VWA1: variants seen among roughly 807,000 people sequenced by gnomAD.
VWA1 encodes von Willebrand factor A domain containing 1, also known as von Willebrand factor A domain-containing protein 1.
In VWA1, 12 loss-of-function variants were observed where a neutral mutation model predicts 14.9. That is an observed-to-expected ratio of 0.80 (90% CI 0.52 to 1.30). The LOEUF is 1.30. Among genes scored for constraint, VWA1 ranks in the 50% most tolerant of loss-of-function variants. The pLI, the probability that VWA1 is intolerant of heterozygous loss-of-function variation, is 0.00. For synonymous variants in VWA1, 368 were observed against 310.7 expected (o/e 1.18, Z -1.94); for missense variants, 800 against 649.1 (o/e 1.23, Z -2.53).
chr1:1,439,575 G>T lies in VWA1; in HGVS notation c.1126G>T (p.Ala376Ser). 7.7e-7 allele frequency: 1 copy of T among 1,304,844 alleles called. No homozygotes were observed. The highest frequency in any genetic ancestry group is 9.7e-7 in the Non-Finnish European group (1 of 1,028,968). 80.8% of individuals were successfully genotyped at this position (1,304,844 alleles called of 1,614,324 possible). ...VQFGPLRGGE[A>S]QRVEVPAGRN... ...GTTCGGGCCGCTGCGGGGCGGGGAGGCGCAGCGGGTGGAGGTGCCCGCGGG... is the reference window on the plus strand; with the variant it reads ...GTTCGGGCCGCTGCGGGGCGGGGAGTCGCAGCGGGTGGAGGTGCCCGCGGG... The change falls in exon 3 of 3, where the codon GCG becomes TCG. Residue 376 changes from alanine to serine, a missense_variant. Ala to Ser is a moderately conservative substitution (Grantham distance 99). Transcript: ENST00000476993.
chr1:1,439,141 C>T lies in VWA1; in HGVS notation c.692C>T (p.Ala231Val), dbSNP rs1638603813. ...ATCACGTCCAGCGGCTTCCGCCTGGCCTGGCCACCCCTGCTGACCGCAGAC... is the reference window on the plus strand; with the variant it reads ...ATCACGTCCAGCGGCTTCCGCCTGGTCTGGCCACCCCTGCTGACCGCAGAC... Reference protein sequence around the residue: ...TEITSSGFRLAWPPLLTADSG... With the variant: ...TEITSSGFRLVWPPLLTADSG... The change falls in exon 3 of 3, where the codon GCC (alanine) becomes GTC (valine). Residue 231 changes from alanine to valine, a missense_variant. Ala to Val is a moderately conservative substitution (Grantham distance 64). Coordinates refer to ENST00000476993, the MANE Select transcript of VWA1 (RefSeq NM_022834.5). 2.5e-6 allele frequency: 4 copies of T among 1,601,882 alleles called. No individual in the cohort carries two copies. In the East Asian group the frequency reaches 8.9e-5, roughly 36 times the overall value.
At chr1:1,435,845 CGGGGCT>C (rs1194633067) in intron 1 of VWA1, 24 bp downstream of exon 1, 3 of 1,057,346 alleles carry the variant, frequency 2.8e-6, no homozygotes, top group South Asian at 3.6e-5. Flanking sequence ...GCGGCCGGGC[CGGGGCT>C]GGGGCTTCTG....
chr1:1,439,227 C>A lies in VWA1; in HGVS notation c.778C>A (p.Gln260Lys). Reference protein sequence around the residue: ...SAQPGAARRQQLPGNATDWIW... With the variant: ...SAQPGAARRQKLPGNATDWIW... ...CCAGCCGGGGGCTGCAAGACGCCAG[C>A]AGCTGCCAGGGAACGCCACGGACTG... is the stretch of plus-strand genomic sequence containing the variant. Residue 260 changes from glutamine to lysine, a missense_variant, in exon 3 of 3, where the codon CAG becomes AAG. Gln to Lys is a moderately conservative substitution (Grantham distance 53). Coordinates refer to ENST00000476993, the MANE Select transcript of VWA1 (RefSeq NM_022834.5). 6.2e-7 allele frequency: 1 copy of A among 1,607,360 alleles called. No homozygotes were observed. Among genetic ancestry groups the A allele is most frequent in the Non-Finnish European group, 8.5e-7 (1 of 1,178,982 alleles).
Position 1,442,667 on chromosome 1 carries a change from A to T in VWA1, c.*2880A>T, listed in dbSNP as rs1045023912. ...GCAGAGGGGGCTGAAATTCGGGCCC[A>T]TGCCTCTGTGAGCGATGACGGAGCA... On this transcript the variant is annotated 3_prime_UTR_variant, in exon 3 of 3. Transcript: ENST00000476993. 2.0e-5 allele frequency: 3 copies of T among 152,302 alleles called. No homozygotes were observed. Among genetic ancestry groups the T allele is most frequent in the African/African-American group, 7.2e-5 (3 of 41,472 alleles). 9.4% of individuals were successfully genotyped at this position (152,302 alleles called of 1,614,324 possible).
chr1:1,436,771 G>T, intron 1 of VWA1, 156 bp from the exon 2 acceptor site: 1 of 705,732 alleles, frequency 1.4e-6, no homozygotes, highest in Non-Finnish European at 2.3e-6. Context: ...AAAAGTACAG[G>T]CCTCTTGCTT....
chr1:1,435,879 C>A (rs1638526535), intron 1 of VWA1, 58 bp downstream of exon 1: 1 of 953,506 alleles, frequency 1.0e-6, no homozygotes, highest in Non-Finnish European at 1.3e-6. Context: ...CTCTGCGCCG[C>A]TGCCCGCGCA....
Position 1,442,608 on chromosome 1 carries a change from C to G in VWA1, c.*2821C>G, listed in dbSNP as rs1638692528. 1 of 152,326 alleles carries G rather than the reference C, an allele frequency of 6.6e-6. No homozygotes were observed. The highest frequency in any genetic ancestry group is 6.5e-5 in the Admixed American group (1 of 15,292). 9.4% of individuals were successfully genotyped at this position (152,326 alleles called of 1,614,324 possible). A position where few individuals can be genotyped will look rare whatever the true frequency, so the allele number is the denominator to read the frequency against. The stretch of plus-strand genomic sequence containing the variant: ...CTGACAGGTTGTGCGAGGCCCTTCG[C>G]TGGACAGCCCATTGCTGGCCACTGG... On this transcript the variant is annotated 3_prime_UTR_variant, in exon 3 of 3. Transcript: ENST00000476993.
Position 1,439,011 on chromosome 1 carries a change from A to G in VWA1, c.632-70A>G, listed in dbSNP as rs904326593. The G allele has an allele frequency of 1.5e-5, 23 of 1,508,870 alleles. No individual in the cohort carries two copies. In the African/African-American group the frequency reaches 2.9e-4, roughly 19 times the overall value. The allele number at this position is 1,508,870 out of a possible 1,614,324, so 93.5% of individuals were successfully genotyped here. A position where few individuals can be genotyped will look rare whatever the true frequency, so the allele number is the denominator to read the frequency against. ...CTCCAATCTCCAGATCTTCCCCATC[A>G]GCCAGGGCCGCCCTCCAGCAGCGGA... On this transcript the variant is annotated intron_variant, in intron 2 of 2. Coordinates refer to ENST00000476993, the MANE Select transcript of VWA1 (RefSeq NM_022834.5).
intron 2 of VWA1, among the ~76,000 whole-genome samples, chr1:1,438,485 C>T (rs1184673329): frequency 2.0e-5 from 3 of 152,180 alleles, no homozygotes; most frequent in Non-Finnish European, 4.4e-5. Context: ...TAGCTTTAAC[C>T]CAGCGCAGAC....
chr1:1,436,959 A>T lies in VWA1; in HGVS notation c.106A>T (p.Met36Leu), dbSNP rs1235913961. The T allele has an allele frequency of 1.4e-5, 22 of 1,611,066 alleles. No individual in the cohort carries two copies. The highest frequency in any genetic ancestry group is 3.3e-5 in the Admixed American group (2 of 59,836). ...AGCATCAGCCCCCCGAGGGGACCTG[A>T]TGTTCCTGCTGGACAGCTCAGCCAG... The part of the protein sequence containing the change: ...PPASAPRGDL[M>L]FLLDSSASVS... Residue 36 changes from methionine (M) to leucine (L), a missense_variant, in exon 2 of 3, where the codon ATG (methionine) becomes TTG (leucine). By Grantham distance (15) the Met-to-Leu change is conservative. Coordinates refer to ENST00000476993, the MANE Select transcript of VWA1 (RefSeq NM_022834.5).
Position 1,439,603 on chromosome 1 carries a change from G to T in VWA1, c.1154G>T (p.Arg385Leu). The T allele has an allele frequency of 7.7e-7, 1 of 1,300,682 alleles. No individual in the cohort carries two copies. The highest frequency in any genetic ancestry group is 1.7e-5 in the South Asian group (1 of 59,300). The allele number at this position is 1,300,682 out of a possible 1,614,324, so 80.6% of individuals were successfully genotyped here. A position where few individuals can be genotyped will look rare whatever the true frequency, so the allele number is the denominator to read the frequency against. Residue 385 changes from arginine to leucine, a missense_variant, in exon 3 of 3, where the codon CGC becomes CTC. By Grantham distance (102) the Arg-to-Leu change is moderately radical. Transcript: ENST00000476993. ...CAGCGGGTGGAGGTGCCCGCGGGCC[G>T]CAACTGCACCACGCTGCAGGGCCTG... is the stretch of plus-strand genomic sequence containing the variant. Reference protein sequence around the residue: ...EAQRVEVPAGRNCTTLQGLAP... With the variant: ...EAQRVEVPAGLNCTTLQGLAP...
intron 2 of VWA1, among the ~76,000 whole-genome samples, chr1:1,438,079 G>A (rs1638584802): frequency 1.3e-5 from 2 of 152,206 alleles, no homozygotes; most frequent in African/African-American, 4.8e-5. Flanking sequence ...CCCTGAAGGA[G>A]CTGGGGCTGG....
At position 1,439,540 on chromosome 1, in the gene VWA1, A is replaced by G; in HGVS notation, c.1091A>G (p.Tyr364Cys). 4.4e-6 allele frequency: 6 copies of G among 1,350,366 alleles called. No individual in the cohort carries two copies. The highest frequency in any genetic ancestry group is 5.7e-6 in the Non-Finnish European group (6 of 1,055,024). 83.6% of individuals were successfully genotyped at this position (1,350,366 alleles called of 1,614,324 possible). ...PALGSAAALG[Y>C]HVQFGPLRGG... Reference sequence around the variant, plus strand: ...CTGGGCTCAGCCGCGGCGCTCGGCTACCACGTGCAGTTCGGGCCGCTGCGG... The same window carrying G: ...CTGGGCTCAGCCGCGGCGCTCGGCTGCCACGTGCAGTTCGGGCCGCTGCGG... The change falls in exon 3 of 3, where the codon TAC becomes TGC. Residue 364 changes from tyrosine (Y) to cysteine (C), a missense_variant. Transcript: ENST00000476993.
rs760950653 is a variant in VWA1, at chr1:1,439,242, G to C, written c.793G>C (p.Ala265Pro). Reference protein sequence around the residue: ...AARRQQLPGNATDWIWAGLDP... With the variant: ...AARRQQLPGNPTDWIWAGLDP... The stretch of plus-strand genomic sequence containing the variant: ...AAGACGCCAGCAGCTGCCAGGGAAC[G>C]CCACGGACTGGATCTGGGCCGGCCT... The change falls in exon 3 of 3, where the codon GCC becomes CCC. Residue 265 changes from alanine (A) to proline (P), a missense_variant. Coordinates refer to ENST00000476993, the MANE Select transcript of VWA1 (RefSeq NM_022834.5). The C allele has an allele frequency of 1.9e-5, 30 of 1,607,104 alleles. No individual in the cohort carries two copies. The highest frequency in any genetic ancestry group is 5.0e-5 in the Admixed American group (3 of 59,796).
Position 1,439,108 on chromosome 1 carries a change from C to CCACGGAGATCACGTCCAGCGG in VWA1, c.661_681dup (p.Thr221_Gly227dup). On this transcript the variant is annotated inframe_insertion, in exon 3 of 3. Coordinates refer to ENST00000476993, the MANE Select transcript of VWA1 (RefSeq NM_022834.5). The stretch of plus-strand genomic sequence containing the variant: ...GCGATGCGGCCGCAGCAGCTCCATG[C>CCACGGAGATCACGTCCAGCGG]CACGGAGATCACGTCCAGCGGCTTC... 6.3e-7 allele frequency: 1 copy of CCACGGAGATCACGTCCAGCGG among 1,599,802 alleles called. No individual in the cohort carries two copies. Among genetic ancestry groups the CCACGGAGATCACGTCCAGCGG allele is most frequent in the Non-Finnish European group, 8.5e-7 (1 of 1,179,478 alleles).
chr1:1,439,578 C>G lies in VWA1; in HGVS notation c.1129C>G (p.Gln377Glu), dbSNP rs1638615910. ...CGGGCCGCTGCGGGGCGGGGAGGCG[C>G]AGCGGGTGGAGGTGCCCGCGGGCCG... ...QFGPLRGGEA[Q>E]RVEVPAGRNC... Residue 377 changes from glutamine to glutamate, a missense_variant, in exon 3 of 3, where the codon CAG becomes GAG. Physicochemically the swap from Gln to Glu is conservative, Grantham distance 29. Transcript: ENST00000476993. The G allele has an allele frequency of 1.5e-6, 2 of 1,304,310 alleles. No homozygotes were observed. The allele number at this position is 1,304,310 out of a possible 1,614,324, so 80.8% of individuals were successfully genotyped here.
chr1:1,436,686 C>T (rs745417480), intron 1 of VWA1: 6 of 485,494 alleles, frequency 1.2e-5, no homozygotes, highest in South Asian at 3.2e-5. Context: ...AGCGGAGAGT[C>T]GCCCTCTCAC....
In VWA1 at chr1:1,439,474, A is replaced by C. The variant is rs1371242963; in HGVS notation, c.1025A>C (p.His342Pro). ...GGGCCAGAGCGCATCGTCATCTCCCACGCCCGGCCGCGCAGCCTCCGCGTG... is the reference window on the plus strand; with the variant it reads ...GGGCCAGAGCGCATCGTCATCTCCCCCGCCCGGCCGCGCAGCCTCCGCGTG... ...EAGPERIVIS[H>P]ARPRSLRVSW... Residue 342 changes from histidine to proline, a missense_variant, in exon 3 of 3, where the codon CAC becomes CCC. Transcript: ENST00000476993. 1.4e-6 allele frequency: 2 copies of C among 1,421,450 alleles called. No individual in the cohort carries two copies. Among genetic ancestry groups the C allele is most frequent in the Non-Finnish European group, 1.8e-6 (2 of 1,094,652 alleles). 88.1% of individuals were successfully genotyped at this position (1,421,450 alleles called of 1,614,324 possible).
intron 2 of VWA1, among the ~76,000 whole-genome samples, chr1:1,437,863 G>C (rs535518265): frequency 6.6e-6 from 1 of 152,222 alleles, no homozygotes. Flanking sequence ...TACCTGGAGA[G>C]GGGTGAGCCA....
Sources: allele counts gnomAD v4.1 joint callset (sites outside exome capture counted in the v4.1 genomes callset), GRCh38; gene constraint gnomAD v4.1.1; transcripts MANE v1.5; gene names NCBI Gene and HGNC (gene_info 2026-07-23, HGNC 2026-07-21).